IL1RAPL1: variants seen among roughly 807,000 people sequenced by gnomAD.
The protein encoded by IL1RAPL1 is interleukin-1 receptor accessory protein-like 1.
IL1RAPL1 carries 3 observed loss-of-function variants against 48.4 expected under a neutral mutation model. That is an observed-to-expected ratio of 0.06 (90% CI 0.03 to 0.16). The LOEUF (loss-of-function observed/expected upper bound fraction) is 0.16. Ranked by LOEUF, IL1RAPL1 falls within the 10% of genes least tolerant of loss-of-function variation. The pLI, the probability that IL1RAPL1 is intolerant of heterozygous loss-of-function variation, is 1.00. For missense variants in IL1RAPL1, 349 were observed against 530.6 expected (o/e 0.66, Z 3.36); for synonymous variants, 185 against 187.7 (o/e 0.99, Z 0.12).
chrX:28,858,609 G>A (rs1444003985), intron 2 of IL1RAPL1, among the ~76,000 whole-genome samples: 1 of 112,344 alleles, frequency 8.9e-6, no homozygotes, highest in African/African-American at 3.2e-5. Context: ...ATTAAGTTAT[G>A]TACATTGTTT....
chrX:29,586,270 C>G (rs180862130), intron 5 of IL1RAPL1, among the ~76,000 whole-genome samples: 1 of 111,526 alleles, frequency 9.0e-6, no homozygotes, highest in African/African-American at 3.2e-5. Flanking sequence ...ATGTGGATAT[C>G]TAGTTTCCCC....
At chrX:29,743,663 T>C (rs751062045) in intron 6 of IL1RAPL1, among the ~76,000 whole-genome samples, 2 of 111,053 alleles carry the variant, frequency 1.8e-5, no homozygotes, top group African/African-American at 6.6e-5. Context: ...TTTTGTATTT[T>C]TAGTACAGAC....
In IL1RAPL1 at chrX:29,394,030, T is replaced by C. The variant is rs6630855; in HGVS notation, c.363-2228T>C. ...TCTCAAAGCTGTTTCTTTTTCAGTG[T>C]TTTTTATGCTGAAAGATTGACTCTA... is the stretch of plus-strand genomic sequence containing the variant. On this transcript the variant is annotated intron_variant, in intron 3 of 10. Transcript: ENST00000378993. Among the ~76,000 whole-genome samples, 6 of 109,987 alleles carry C rather than the reference T, an allele frequency of 5.5e-5. No individual in the cohort carries two copies. The East Asian group carries it at 1.7e-3, about 31-fold the overall frequency.
intron 6 of IL1RAPL1, among the ~76,000 whole-genome samples, chrX:29,829,486 G>T (rs1930822978): frequency 9.1e-6 from 1 of 110,283 alleles, no homozygotes; most frequent in Admixed American, 9.7e-5. Context: ...TTTCTTTTGG[G>T]TATTTTATTT....
At chrX:29,148,514 A>G (rs763588671) in intron 2 of IL1RAPL1, among the ~76,000 whole-genome samples, 15 of 112,064 alleles carry the variant, frequency 1.3e-4, no homozygotes, top group Non-Finnish European at 2.6e-4. Context: ...CAATATCTAA[A>G]TGGTTTAAAA....
intron 1 of IL1RAPL1, among the ~76,000 whole-genome samples, chrX:28,722,671 GTT>G (rs1935600622): frequency 9.0e-6 from 1 of 111,580 alleles, no homozygotes; most frequent in African/African-American, 3.3e-5. Flanking sequence ...TCTTATGCCA[GTT>G]TTCGAAGGGA....
chrX:29,295,349 C>T (rs1306062023), intron 3 of IL1RAPL1, among the ~76,000 whole-genome samples: 6 of 111,899 alleles, frequency 5.4e-5, no homozygotes, highest in Admixed American at 9.5e-5. Context: ...GTTCCCCCAT[C>T]GCTGGTTTGC....
intron 2 of IL1RAPL1, among the ~76,000 whole-genome samples, chrX:29,147,072 G>T (rs1290002506): frequency 8.9e-6 from 1 of 112,504 alleles, no homozygotes; most frequent in Admixed American, 9.4e-5. Context: ...AGGAAGTTTG[G>T]CACAAGTCTT....
chrX:29,310,431 C>A (rs1224026589), intron 3 of IL1RAPL1, among the ~76,000 whole-genome samples: 3 of 110,891 alleles, frequency 2.7e-5, no homozygotes, highest in Non-Finnish European at 5.7e-5. Context: ...TTTGAAAGGG[C>A]AAAAAATCAT....
intron 6 of IL1RAPL1, among the ~76,000 whole-genome samples, chrX:29,723,836 A>G (rs902795236): frequency 2.7e-5 from 3 of 110,330 alleles, no homozygotes; most frequent in African/African-American, 1.0e-4. Context: ...TATTTTTGAG[A>G]CACAGTCTCG....
At chrX:29,577,287 A>G (rs1184241091) in intron 5 of IL1RAPL1, among the ~76,000 whole-genome samples, 2 of 111,620 alleles carry the variant, frequency 1.8e-5, no homozygotes, top group Admixed American at 9.6e-5. Context: ...AGATGTTATG[A>G]AAAAAAAGTA....
chrX:29,445,311 G>T (rs1402147219), intron 5 of IL1RAPL1, among the ~76,000 whole-genome samples: 1 of 111,953 alleles, frequency 8.9e-6, no homozygotes, highest in Non-Finnish European at 1.9e-5. Flanking sequence ...GTTCTGAAAG[G>T]CTTAATAGTC....
chrX:29,797,249 T>A (rs1466658349), intron 6 of IL1RAPL1, among the ~76,000 whole-genome samples: 1 of 112,569 alleles, frequency 8.9e-6, no homozygotes, highest in Non-Finnish European at 1.9e-5. Flanking sequence ...GAGCCCAATG[T>A]GTTTCATAAG....
chrX:29,728,062 C>G (rs1202810608), intron 6 of IL1RAPL1, among the ~76,000 whole-genome samples: 16 of 110,395 alleles, frequency 1.4e-4, no homozygotes, highest in African/African-American at 4.6e-4. Flanking sequence ...CTCAGCCTCC[C>G]GAGTAGCTGG....
chrX:28,793,965 A>G (rs1198992207), intron 2 of IL1RAPL1, among the ~76,000 whole-genome samples: 1 of 111,670 alleles, frequency 9.0e-6, no homozygotes, highest in African/African-American at 3.3e-5. Flanking sequence ...TGACTTAATG[A>G]CTTAATGACT....
chrX:29,158,945 TCCCTCTCC>T (rs1929626971), intron 2 of IL1RAPL1, among the ~76,000 whole-genome samples: 1 of 47,437 alleles, frequency 2.1e-5, no homozygotes. Flanking sequence ...CCCCCCTCCC[TCCCTCTCC>T]CTCTCTCTCT....
At chrX:29,453,208 A>G (rs1023820128) in intron 5 of IL1RAPL1, among the ~76,000 whole-genome samples, 3 of 110,593 alleles carry the variant, frequency 2.7e-5, no homozygotes, top group African/African-American at 6.6e-5. Flanking sequence ...TGTTTCTCAC[A>G]TAATGAGAAG....
At position 29,918,237 on chromosome X, in the gene IL1RAPL1, TTAA is replaced by T. The variant is rs1252018008; in HGVS notation, c.911+642_911+644del. On this transcript the variant is annotated intron_variant, in intron 7 of 10. Coordinates refer to ENST00000378993, the MANE Select transcript of IL1RAPL1 (RefSeq NM_014271.4). ...ACTTTTTGTATATGAGACCTTTTTT[TTAA>T]AAAAAAAAAAAAAAAATGTTCTTTG... Among the ~76,000 whole-genome samples, 433 of 77,638 alleles carry T rather than the reference TTAA, an allele frequency of 5.6e-3. 1 individual carries two copies. Among genetic ancestry groups the T allele is most frequent in the African/African-American group, 8.3e-3 (151 of 18,189 alleles). The allele number at this position is 77,638 out of a possible 115,157, so 67.4% of individuals were successfully genotyped here.
intron 9 of IL1RAPL1, among the ~76,000 whole-genome samples, chrX:29,945,982 G>A (rs756959065): frequency 5.4e-5 from 6 of 110,579 alleles, no homozygotes; most frequent in Admixed American, 3.9e-4. Flanking sequence ...CTCATTCTTT[G>A]TCATCCTCCA....
Sources: allele counts gnomAD v4.1 joint callset (sites outside exome capture counted in the v4.1 genomes callset), GRCh38; gene constraint gnomAD v4.1.1; transcripts MANE v1.5; gene names NCBI Gene and HGNC (gene_info 2026-07-23, HGNC 2026-07-21).